The following FIGLA variants were observed in gnomAD, a reference collection of about 807,000 sequenced individuals.
FIGLA encodes the protein factor in the germline alpha.
A neutral mutation model predicts 21.5 loss-of-function variants in FIGLA; 17 were observed. The ratio of observed to expected loss-of-function variants is 0.79; its 90% CI spans 0.54 to 1.19. The LOEUF (loss-of-function observed/expected upper bound fraction) is 1.19. FIGLA is among the 50% of genes most tolerant of loss of function. The pLI, the probability that FIGLA is intolerant of heterozygous loss-of-function variation, is 0.00. For missense variants in FIGLA, 282 were observed against 285.0 expected, an observed-to-expected ratio of 0.99 and a Z score of 0.08; for synonymous variants, 129 against 117.6, an observed-to-expected ratio of 1.10 and a Z score of -0.63.
At chr2:70,786,335 C>T (rs577017079) in intron 2 of FIGLA, among the ~76,000 whole-genome samples, 2 of 151,006 alleles carry the variant, frequency 1.3e-5, no homozygotes, top group East Asian at 2.0e-4. Context: ...GACAGAGTCT[C>T]GCTCTGTTGC....
intron 2 of FIGLA, 47 bp downstream of exon 2, chr2:70,787,602 G>A (rs782580185): frequency 1.1e-5 from 17 of 1,519,360 alleles, no homozygotes; most frequent in East Asian, 2.5e-5. Context: ...CATAGAAAAG[G>A]CCTAATAAAT....
intron 3 of FIGLA, among the ~76,000 whole-genome samples, chr2:70,784,741 GT>G (rs1553389607): frequency 1.3e-5 from 2 of 152,198 alleles, no homozygotes; most frequent in East Asian, 3.9e-4. Context: ...TATTTCAATA[GT>G]AATTGTGTTG....
chr2:70,789,538 G>A (rs1471333135), intron 1 of FIGLA, among the ~76,000 whole-genome samples: 1 of 152,106 alleles, frequency 6.6e-6, no homozygotes, highest in African/African-American at 2.4e-5. Context: ...CCCTCTCCCT[G>A]CAAAGCTCCT....
chr2:70,778,520 A>G (rs1675802868), intron 3 of FIGLA, among the ~76,000 whole-genome samples: 1 of 151,986 alleles, frequency 6.6e-6, no homozygotes, highest in Non-Finnish European at 1.5e-5. Flanking sequence ...CATATTTAGA[A>G]TTTTTTATAC....
chr2:70,781,165 G>A (rs1675849169), intron 3 of FIGLA, among the ~76,000 whole-genome samples: 1 of 152,166 alleles, frequency 6.6e-6, no homozygotes, highest in African/African-American at 2.4e-5. Flanking sequence ...CCAAGAAGGA[G>A]GTTTTTGCGG....
rs1239199923 is a variant in FIGLA, at chr2:70,777,638, T to C, written c.643A>G (p.Arg215Gly). 1.3e-6 allele frequency: 2 copies of C among 1,597,040 alleles called. No individual in the cohort carries two copies. Among genetic ancestry groups the C allele is most frequent in the Non-Finnish European group, 8.6e-7 (1 of 1,168,264 alleles). ...RFPEVELLSH[R>G]LPQV is the part of the protein sequence containing the mutation. The stretch of plus-strand genomic sequence containing the variant: ...GCATCAGGTTATAGAATGACCTACC[T>C]GTGACTCAGCAGTTCTACTTCTGGG... Residue 215 changes from arginine to glycine, a missense_variant and splice_region_variant, in exon 4 of 5, where the codon AGA becomes GGA. Transcript: ENST00000332372.
chr2:70,785,499 T>C lies in FIGLA; in HGVS notation c.525A>G (p.Ala175=), dbSNP rs1320467780. Residue 175 remains alanine (A), a synonymous_variant, in exon 3 of 5, where the codon GCA becomes GCG. Transcript: ENST00000332372. ...GLKNEEEGPW[A]DGGSGEPAHA... is the part of the protein sequence containing the mutation. ...GTGCTGGCTCACCACTGCCACCATCTGCCCAAGGCCCTTCCTCTTCATTCT... is the reference window on the plus strand; with the variant it reads ...GTGCTGGCTCACCACTGCCACCATCCGCCCAAGGCCCTTCCTCTTCATTCT... The C allele has an allele frequency of 9.3e-6, 15 of 1,613,906 alleles. No homozygotes were observed. Among genetic ancestry groups the C allele is most frequent in the Non-Finnish European group, 1.3e-5 (15 of 1,179,898 alleles).
chr2:70,782,697 G>A (rs948058932), intron 3 of FIGLA, among the ~76,000 whole-genome samples: 41 of 152,166 alleles, frequency 2.7e-4, no homozygotes, highest in African/African-American at 9.9e-4. Flanking sequence ...CCTCAAATGT[G>A]CCAGGAAAAA....
At chr2:70,787,848 T>C (rs782354661) in intron 1 of FIGLA, 47 bp from the exon 2 acceptor site, 11 of 1,588,906 alleles carry the variant, frequency 6.9e-6, no homozygotes, top group South Asian at 4.6e-5. Flanking sequence ...CCAATTTGTA[T>C]AGACATCTCC....
chr2:70,782,235 A>G (rs1340044254), intron 3 of FIGLA, among the ~76,000 whole-genome samples: 2 of 152,250 alleles, frequency 1.3e-5, no homozygotes, highest in Non-Finnish European at 1.5e-5. Flanking sequence ...GAATATCCTT[A>G]GAAATAGAAT....
At chr2:70,778,455 A>G (rs562588414) in intron 3 of FIGLA, among the ~76,000 whole-genome samples, 1 of 151,862 alleles carries the variant, frequency 6.6e-6, no homozygotes, top group East Asian at 1.9e-4. Context: ...CTTTCTTTTT[A>G]TAGTTCAGAC....
At chr2:70,784,361 TGAGTCAAGAGAA>T (rs1553389557) in intron 3 of FIGLA, among the ~76,000 whole-genome samples, 1 of 152,182 alleles carries the variant, frequency 6.6e-6, no homozygotes, top group Non-Finnish European at 1.5e-5. Context: ...TGATTGCTCA[TGAGTCAAGAGAA>T]GTTGGTATCT....
chr2:70,777,340 G>T lies in FIGLA; in HGVS notation c.*27C>A. 2 of 1,437,648 alleles carry T rather than the reference G, an allele frequency of 1.4e-6. No homozygotes were observed. The highest frequency in any genetic ancestry group is 1.9e-6 in the Non-Finnish European group (2 of 1,073,658). The allele number at this position is 1,437,648 out of a possible 1,614,324, so 89.1% of individuals were successfully genotyped here. A position where few individuals can be genotyped will look rare whatever the true frequency, so the allele number is the denominator to read the frequency against. On this transcript the variant is annotated 3_prime_UTR_variant, in exon 5 of 5. Transcript: ENST00000332372. ...TCAAGACTGCATTTATTTGTCTCTA[G>T]AAGGTAACCCTGGGCCTTTTCATTT...
At chr2:70,788,000 T>C (rs1262454065) in intron 1 of FIGLA, among the ~76,000 whole-genome samples, 199 bp from the exon 2 acceptor site, 1 of 152,224 alleles carries the variant, frequency 6.6e-6, no homozygotes, top group Non-Finnish European at 1.5e-5. Context: ...CTTGGTACTA[T>C]GGGCAGATGG....
Position 70,789,324 on chromosome 2 carries a change from G to C in FIGLA, c.231+1084C>G, listed in dbSNP as rs941136904. 3.8e-4 allele frequency among the ~76,000 whole-genome samples: 57 copies of C among 151,954 alleles called. 1 individual carries two copies. The highest frequency in any genetic ancestry group is 1.4e-3 in the African/African-American group (57 of 41,330). ...TTATAAAGAATAATAAAGCTTATTC[G>C]TGTTTTAGTGGATAAAACCAGGACT... On this transcript the variant is annotated intron_variant, in intron 1 of 4. Transcript: ENST00000332372.
intron 3 of FIGLA, among the ~76,000 whole-genome samples, chr2:70,783,870 A>C (rs1553389484): frequency 1.3e-5 from 2 of 151,950 alleles, no homozygotes; most frequent in Non-Finnish European, 2.9e-5. Flanking sequence ...CCTGATTTTT[A>C]GTAGCAATGG....
intron 1 of FIGLA, among the ~76,000 whole-genome samples, chr2:70,789,708 A>T (rs1676023249): frequency 6.6e-6 from 1 of 152,110 alleles, no homozygotes; most frequent in Non-Finnish European, 1.5e-5. Context: ...GTAGACTGCA[A>T]ACGCTAGGAA....
rs782564869 is a variant in FIGLA, at chr2:70,787,693, T to A, written c.340A>T (p.Ile114Leu). 1.9e-6 allele frequency: 3 copies of A among 1,598,584 alleles called. No homozygotes were observed. The highest frequency in any genetic ancestry group is 2.6e-6 in the Non-Finnish European group (3 of 1,172,294). ...VDILKGATEYIQVLSDLLEGA... is the reference protein window; with the variant it reads ...VDILKGATEYLQVLSDLLEGA... Reference sequence around the variant, plus strand: ...TCCAAAAGATCACTGAGAACCTGTATATATTCAGTCGCACCTTTAAGGATA... The same window carrying A: ...TCCAAAAGATCACTGAGAACCTGTAAATATTCAGTCGCACCTTTAAGGATA... Residue 114 changes from isoleucine (I) to leucine (L), a missense_variant, in exon 2 of 5, where the codon ATA becomes TTA. Ile to Leu is a conservative substitution (Grantham distance 5, BLOSUM62 2). Coordinates refer to ENST00000332372, the MANE Select transcript of FIGLA (RefSeq NM_001004311.3).
rs199858072 is a variant in FIGLA, at chr2:70,785,501, C to G, written c.523G>C (p.Ala175Pro). ...GCTGGCTCACCACTGCCACCATCTG[C>G]CCAAGGCCCTTCCTCTTCATTCTTC... ...GLKNEEEGPW[A>P]DGGSGEPAHA... is the part of the protein sequence containing the mutation. The change falls in exon 3 of 5, where the codon GCA (alanine) becomes CCA (proline). Residue 175 changes from alanine (A) to proline (P), a missense_variant. Transcript: ENST00000332372. The G allele has an allele frequency of 8.3e-5, 134 of 1,613,882 alleles. No individual in the cohort carries two copies. Among genetic ancestry groups the G allele is most frequent in the Non-Finnish European group, 4.2e-6 (5 of 1,179,900 alleles).
Sources: gnomAD v4.1 joint callset for allele counts (sites outside exome capture counted in the v4.1 genomes callset) on GRCh38, gnomAD v4.1.1 for gene constraint, MANE v1.5 for transcripts, NCBI Gene and HGNC (gene_info 2026-07-23, HGNC 2026-07-21) for gene names.